The following TEK variants were observed in gnomAD, a reference collection of about 807,000 sequenced individuals.
TEK encodes the protein angiopoietin-1 receptor.
In TEK, 43 loss-of-function variants were observed where a neutral mutation model predicts 131.8. That is an observed-to-expected ratio of 0.33 (90% CI 0.26 to 0.42). The LOEUF is 0.42. Among genes scored for constraint, TEK ranks in the 10% least tolerant of loss-of-function variants. TEK has a pLI of 1.00. For missense variants in TEK, 1,162 were observed against 1,384.4 expected, an observed-to-expected ratio of 0.84 and a Z score of 2.55; for synonymous variants, 580 against 491.6, an observed-to-expected ratio of 1.18 and a Z score of -2.38.
chr9:27,182,885 T>C (rs1046529780), intron 7 of TEK, among the ~76,000 whole-genome samples: 1 of 152,242 alleles, frequency 6.6e-6, no homozygotes, highest in Non-Finnish European at 1.5e-5. Flanking sequence ...GGGGAAGTTA[T>C]ATTTCACTTC....
At chr9:27,132,166 C>A (rs1055893749) in intron 1 of TEK, among the ~76,000 whole-genome samples, 1 of 150,938 alleles carries the variant, frequency 6.6e-6, no homozygotes, top group Non-Finnish European at 1.5e-5. Flanking sequence ...TGGCTCACTG[C>A]AACCTCCATC....
rs140741617 is a variant in TEK, at chr9:27,126,696, A to C, written c.52+17054A>C. Among the ~76,000 whole-genome samples, 525 of 152,354 alleles carry C rather than the reference A, an allele frequency of 3.4e-3. 4 individuals carry two copies. The highest frequency in any genetic ancestry group is 0.027 in the Middle Eastern group (8 of 294). On this transcript the variant is annotated intron_variant, in intron 1 of 22. Transcript: ENST00000380036. ...GTAATCAATCAGGCTCCACTAACTGAAATGAGACTTTTAAGGACATTTCTG... is the reference window on the plus strand; with the variant it reads ...GTAATCAATCAGGCTCCACTAACTGCAATGAGACTTTTAAGGACATTTCTG...
intron 1 of TEK, among the ~76,000 whole-genome samples, chr9:27,115,424 G>A (rs1031711447): frequency 2.6e-5 from 4 of 152,094 alleles, no homozygotes; most frequent in Non-Finnish European, 5.9e-5. Context: ...GCTGGAGCCT[G>A]GGAGGTCAAG....
At chr9:27,199,952 T>C (rs1825160206) in intron 12 of TEK, among the ~76,000 whole-genome samples, 1 of 152,226 alleles carries the variant, frequency 6.6e-6, no homozygotes, top group Non-Finnish European at 1.5e-5. Flanking sequence ...CATAAACATA[T>C]TCTCTGTGTT....
intron 9 of TEK, 149 bp from the exon 10 acceptor site, chr9:27,190,380 C>A: frequency 1.1e-6 from 1 of 876,842 alleles, no homozygotes; most frequent in Non-Finnish European, 1.8e-6. Flanking sequence ...AAGCAGAGAG[C>A]TTAGAGAGCA....
At chr9:27,124,549 G>A (rs899973907) in intron 1 of TEK, among the ~76,000 whole-genome samples, 2 of 152,224 alleles carry the variant, frequency 1.3e-5, no homozygotes, top group African/African-American at 4.8e-5. Context: ...CAAAGTCAAG[G>A]GACGGGAAAT....
chr9:27,190,473 A>G (rs1824775922), intron 9 of TEK, 56 bp from the exon 10 acceptor site: 1 of 1,607,924 alleles, frequency 6.2e-7, no homozygotes, highest in Non-Finnish European at 8.5e-7. Context: ...CTACCTAAGA[A>G]CAATCACAAA....
At chr9:27,207,141 AG>A (rs376751645) in intron 15 of TEK, among the ~76,000 whole-genome samples, 2 of 152,352 alleles carry the variant, frequency 1.3e-5, no homozygotes, top group African/African-American at 4.8e-5. Context: ...GTTTAAAAAC[AG>A]GCTGTTGGGC....
intron 18 of TEK, among the ~76,000 whole-genome samples, chr9:27,214,097 AC>A (rs1212719708): frequency 1.3e-5 from 2 of 152,228 alleles, no homozygotes; most frequent in African/African-American, 4.8e-5. Context: ...CACTATTCAA[AC>A]CCAAATAAAA....
Position 27,133,194 on chromosome 9 carries a change from G to A in TEK, c.52+23552G>A, listed in dbSNP as rs1464020308. 1.2e-4 allele frequency among the ~76,000 whole-genome samples: 18 copies of A among 152,128 alleles called. No individual in the cohort carries two copies. In the South Asian group the frequency reaches 3.5e-3, roughly 30 times the overall value. On this transcript the variant is annotated intron_variant, in intron 1 of 22. Coordinates refer to ENST00000380036, the MANE Select transcript of TEK (RefSeq NM_000459.5). Reference sequence around the variant, plus strand: ...ACTTAACCCTGAAGGATGGAGTGAGGAATGGCAGAAGTGTGAGGGTAAATA... The same window carrying A: ...ACTTAACCCTGAAGGATGGAGTGAGAAATGGCAGAAGTGTGAGGGTAAATA...
Position 27,212,371 on chromosome 9 carries a change from C to T in TEK, c.2687-336C>T, listed in dbSNP as rs183907770. Among the ~76,000 whole-genome samples the T allele has an allele frequency of 2.6e-5, 4 of 152,234 alleles. No individual in the cohort carries two copies. In the East Asian group the frequency reaches 7.7e-4, roughly 29 times the overall value. ...GCAAATGAAAAGGTGACGTGAAGAACGTGTCTGAGATCTGGAAGAGCATGC... is the reference window on the plus strand; with the variant it reads ...GCAAATGAAAAGGTGACGTGAAGAATGTGTCTGAGATCTGGAAGAGCATGC... On this transcript the variant is annotated intron_variant, in intron 16 of 22. Coordinates refer to ENST00000380036, the MANE Select transcript of TEK (RefSeq NM_000459.5).
At chr9:27,173,098 A>AT in intron 5 of TEK, 124 bp from the exon 6 acceptor site, 1 of 1,313,846 alleles carries the variant, frequency 7.6e-7, no homozygotes, top group South Asian at 1.3e-5. Context: ...TCATCCTACC[A>AT]TGCCACAGCT....
intron 1 of TEK, among the ~76,000 whole-genome samples, chr9:27,154,390 A>G (rs553952720): frequency 2.4e-4 from 36 of 152,180 alleles, no homozygotes; most frequent in Non-Finnish European, 4.4e-4. Flanking sequence ...CCCAGCCTCC[A>G]GCTGCCCCTT....
At chr9:27,221,882 G>A (rs551564925) in intron 21 of TEK, among the ~76,000 whole-genome samples, 35 of 152,186 alleles carry the variant, frequency 2.3e-4, no homozygotes, top group Non-Finnish European at 4.1e-4. Flanking sequence ...AAAATTGGAC[G>A]AATGAGTTTG....
chr9:27,122,174 C>T (rs925941059), intron 1 of TEK, among the ~76,000 whole-genome samples: 5 of 152,200 alleles, frequency 3.3e-5, no homozygotes, highest in Admixed American at 1.3e-4. Flanking sequence ...TACTAGGAAT[C>T]TGCTAGGCAT....
chr9:27,189,364 T>C (rs1229592495), intron 9 of TEK, among the ~76,000 whole-genome samples: 1 of 152,178 alleles, frequency 6.6e-6, no homozygotes, highest in Admixed American at 6.5e-5. Flanking sequence ...CACCATAAGA[T>C]TTTATTATCA....
At chr9:27,137,469 A>T (rs995889180) in intron 1 of TEK, among the ~76,000 whole-genome samples, 61 of 152,214 alleles carry the variant, frequency 4.0e-4, no homozygotes, top group African/African-American at 7.0e-4. Flanking sequence ...AAAAGAATAG[A>T]TACCTAATTT....
intron 11 of TEK, chr9:27,195,736 C>T: frequency 2.2e-6 from 1 of 454,098 alleles, no homozygotes; most frequent in Non-Finnish European, 4.4e-6. Context: ...GAGCCCCTAA[C>T]ACCTTCCAAG....
At chr9:27,224,360 A>T (rs7045766) in intron 21 of TEK, among the ~76,000 whole-genome samples, 81,620 of 151,938 alleles carry the variant, frequency 0.54, 22,242 homozygotes, top group South Asian at 0.58. Context: ...AAAATTCTCA[A>T]TAAAATACTG....
Sources: gnomAD v4.1 joint callset for allele counts (sites outside exome capture counted in the v4.1 genomes callset) on GRCh38, gnomAD v4.1.1 for gene constraint, MANE v1.5 for transcripts, NCBI Gene and HGNC (gene_info 2026-07-23, HGNC 2026-07-21) for gene names.